The following CCAR1 variants were observed in gnomAD, a reference collection of about 807,000 sequenced individuals.
CCAR1 encodes the protein cell division cycle and apoptosis regulator protein 1.
In CCAR1, 78 loss-of-function variants were observed where a neutral mutation model predicts 163.8. That is an observed-to-expected ratio of 0.48 (90% CI 0.40 to 0.57). The LOEUF (loss-of-function observed/expected upper bound fraction) is 0.57. Among genes scored for constraint, CCAR1 ranks in the 20% least tolerant of loss-of-function variants. CCAR1 has a pLI of 0.00. For synonymous variants in CCAR1, 443 were observed against 460.7 expected, an observed-to-expected ratio of 0.96 and a Z score of 0.49; for missense variants, 1,019 against 1,365.2, an observed-to-expected ratio of 0.75 and a Z score of 4.00.
At chr10:68,753,637 A>G (rs2056363646) in intron 10 of CCAR1, among the ~76,000 whole-genome samples, 1 of 152,198 alleles carries the variant, frequency 6.6e-6, no homozygotes, top group South Asian at 2.1e-4. Context: ...AATAAGGATA[A>G]CACTGAGAAT....
intron 10 of CCAR1, among the ~76,000 whole-genome samples, 152 bp from the exon 11 acceptor site, chr10:68,753,698 ATG>A (rs2056365577): frequency 6.6e-6 from 1 of 152,190 alleles, no homozygotes; most frequent in African/African-American, 2.4e-5. Flanking sequence ...ATATTTTCAT[ATG>A]TCTCTATGCA....
intron 19 of CCAR1, among the ~76,000 whole-genome samples, chr10:68,775,317 T>G (rs2056650530): frequency 6.6e-6 from 1 of 152,160 alleles, no homozygotes; most frequent in Admixed American, 6.6e-5. Flanking sequence ...AGCAGTGACA[T>G]AATATTCATA....
chr10:68,784,673 C>T (rs2056775414), intron 19 of CCAR1, among the ~76,000 whole-genome samples: 1 of 152,068 alleles, frequency 6.6e-6, no homozygotes, highest in Admixed American at 6.6e-5. Flanking sequence ...GTCTGCCTCC[C>T]AAGTAGCTGG....
intron 2 of CCAR1, among the ~76,000 whole-genome samples, chr10:68,725,793 TG>T (rs2055935235): frequency 6.6e-6 from 1 of 152,124 alleles, no homozygotes; most frequent in Admixed American, 6.6e-5. Flanking sequence ...TTGATGGAAA[TG>T]ATTAGTTATC....
At chr10:68,752,895 GATAGATAGAT>G (rs1262329000) in intron 10 of CCAR1, among the ~76,000 whole-genome samples, 2 of 135,968 alleles carry the variant, frequency 1.5e-5, no homozygotes, top group Non-Finnish European at 3.1e-5. Flanking sequence ...TAGATAGATA[GATAGATAGAT>G]AGATAGATAG....
intron 3 of CCAR1, 86 bp downstream of exon 3, chr10:68,737,134 A>T: frequency 1.1e-6 from 1 of 878,898 alleles, no homozygotes; most frequent in Non-Finnish European, 1.8e-6. Flanking sequence ...TTTTACAGGT[A>T]GTGAAGAATT....
chr10:68,784,033 C>T (rs1174294983), intron 19 of CCAR1, among the ~76,000 whole-genome samples: 1 of 152,264 alleles, frequency 6.6e-6, no homozygotes, highest in Admixed American at 6.5e-5. Context: ...GCTGGGATTA[C>T]AGGCGTGAGC....
At chr10:68,727,846 C>T (rs1446330283) in intron 2 of CCAR1, among the ~76,000 whole-genome samples, 2 of 152,142 alleles carry the variant, frequency 1.3e-5, no homozygotes, top group Admixed American at 6.6e-5. Context: ...GAGTCTCGCT[C>T]TGTCTGCTCA....
At chr10:68,772,967 T>A in intron 18 of CCAR1, 21 bp from the exon 19 acceptor site, 1 of 1,204,726 alleles carries the variant, frequency 8.3e-7, no homozygotes, top group Non-Finnish European at 1.2e-6. Flanking sequence ...AAATAAATAA[T>A]AAAGGCATTT....
At chr10:68,779,487 G>A (rs1295343965) in intron 19 of CCAR1, among the ~76,000 whole-genome samples, 6 of 151,434 alleles carry the variant, frequency 4.0e-5, no homozygotes, top group Non-Finnish European at 8.8e-5. Context: ...TCGAACTCCC[G>A]ACCTCAGGTG....
At chr10:68,760,946 C>T (rs1207328715) in intron 15 of CCAR1, 61 bp from the exon 16 acceptor site, 9 of 542,390 alleles carry the variant, frequency 1.7e-5, no homozygotes, top group Admixed American at 9.3e-5. Context: ...TTTCAATATC[C>T]GCTGCCCCCC....
In CCAR1 at chr10:68,765,928, G is replaced by A. The variant is rs767312005; in HGVS notation, c.2147G>A (p.Arg716His). The change falls in exon 17 of 25, where the codon CGT (arginine) becomes CAT (histidine). Residue 716 changes from arginine (R) to histidine (H), a missense_variant. Around this residue, in one of 4 missense-constraint regions of CCAR1, gnomAD observed 644 missense variants for 904.4 expected, o/e 0.71. Transcript: ENST00000265872. ...RKRQEEIERQ[R>H]RERRYILPDE... is the part of the protein sequence containing the mutation. ...CGTCAAGAGGAAATAGAACGCCAGC[G>A]TCGAGAAAGAAGATATATTTTGCCT... 3.1e-6 allele frequency: 5 copies of A among 1,613,642 alleles called. No homozygotes were observed. Among genetic ancestry groups the A allele is most frequent in the Non-Finnish European group, 4.2e-6 (5 of 1,179,938 alleles).
intron 19 of CCAR1, among the ~76,000 whole-genome samples, chr10:68,781,690 A>G (rs565262548): frequency 1.3e-5 from 2 of 152,200 alleles, no homozygotes; most frequent in Non-Finnish European, 2.9e-5. Flanking sequence ...CCCCATCTCT[A>G]CAAAAAAAAA....
At chr10:68,730,557 C>T (rs1314683893) in intron 2 of CCAR1, among the ~76,000 whole-genome samples, 1 of 151,664 alleles carries the variant, frequency 6.6e-6, no homozygotes, top group African/African-American at 2.4e-5. Context: ...AGGATGGTTT[C>T]GATCTCTTCA....
chr10:68,741,464 G>C (rs78819284), intron 5 of CCAR1, among the ~76,000 whole-genome samples: 1 of 152,122 alleles, frequency 6.6e-6, no homozygotes, highest in Non-Finnish European at 1.5e-5. Context: ...CCTTTTGAAA[G>C]TGTAAAAAGT....
chr10:68,737,783 T>C (rs2056131110), intron 3 of CCAR1, 62 bp from the exon 4 acceptor site: 1 of 931,900 alleles, frequency 1.1e-6, no homozygotes, highest in Non-Finnish European at 1.7e-6. Flanking sequence ...ATATCACTTT[T>C]TGAGAATGAA....
intron 19 of CCAR1, among the ~76,000 whole-genome samples, chr10:68,778,141 G>A (rs905317782): frequency 1.3e-5 from 2 of 151,822 alleles, no homozygotes; most frequent in African/African-American, 4.8e-5. Flanking sequence ...ACTTGAACCC[G>A]GGTGGCAGAG....
intron 5 of CCAR1, 34 bp downstream of exon 5, chr10:68,740,695 CTGAA>C: frequency 6.4e-7 from 1 of 1,551,350 alleles, no homozygotes; most frequent in South Asian, 1.2e-5. Context: ...TTTTGGATGT[CTGAA>C]TGAACAGTAG....
At chr10:68,759,255 A>G (rs2056438507) in intron 15 of CCAR1, 1 of 152,188 alleles carries the variant, frequency 6.6e-6, no homozygotes, top group African/African-American at 2.4e-5. Flanking sequence ...CTCTACAAAA[A>G]GTTTAAAAAA....
Sources: allele counts gnomAD v4.1 joint callset (sites outside exome capture counted in the v4.1 genomes callset), GRCh38; gene constraint gnomAD v4.1.1; regional missense constraint gnomAD v4.1.1; transcripts MANE v1.5; gene names NCBI Gene and HGNC (gene_info 2026-07-23, HGNC 2026-07-21).